DEFB121: variants seen among roughly 807,000 people sequenced by gnomAD.
DEFB121 encodes the protein beta-defensin 121.
DEFB121 carries 5 observed loss-of-function variants against 2.5 expected under a neutral mutation model. That is an observed-to-expected ratio of 1.96 (90% confidence interval 1.03 to 4.13). The LOEUF (loss-of-function observed/expected upper bound fraction) is 4.13. Ranked by LOEUF, DEFB121 falls within the 30% of genes most tolerant of loss-of-function variation. DEFB121 has a pLI of 0.00. For missense variants in DEFB121, 87 were observed against 85.0 expected, an observed-to-expected ratio of 1.02 and a Z score of -0.09; for synonymous variants, 39 against 32.6, an observed-to-expected ratio of 1.20 and a Z score of -0.67.
upstream of DEFB121, among the ~76,000 whole-genome samples, chr20:31,416,037 C>T (rs1402927367): frequency 6.8e-6 from 1 of 147,258 alleles, no homozygotes; most frequent in Non-Finnish European, 1.5e-5. Flanking sequence ...CAGAGATCTG[C>T]GCCCTTCTTC....
At chr20:31,413,729 A>G (rs1248784655), upstream of DEFB121, among the ~76,000 whole-genome samples, 1 of 151,602 alleles carries the variant, frequency 6.6e-6, no homozygotes, top group Non-Finnish European at 1.5e-5. Flanking sequence ...ACATGGCTCC[A>G]TCCAACCACA....
At chr20:31,411,650 A>G (rs1978668892) in intron 1 of DEFB121, among the ~76,000 whole-genome samples, 1 of 152,194 alleles carries the variant, frequency 6.6e-6, no homozygotes, top group Non-Finnish European at 1.5e-5. Context: ...GAATCTGCAA[A>G]TGGTACATTA....
upstream of DEFB121, among the ~76,000 whole-genome samples, chr20:31,410,293 A>T (rs2122356965): frequency 6.6e-6 from 1 of 152,282 alleles, no homozygotes; most frequent in East Asian, 1.9e-4. Flanking sequence ...CTCACTTACA[A>T]GTTGGAGACA....
upstream of DEFB121, among the ~76,000 whole-genome samples, chr20:31,407,601 G>A (rs1334814680): frequency 3.3e-5 from 5 of 152,134 alleles, no homozygotes; most frequent in African/African-American, 1.2e-4. Flanking sequence ...GCTGCCCCAG[G>A]CATTCCAGCC....
At chr20:31,414,636 G>T (rs1167574739), upstream of DEFB121, among the ~76,000 whole-genome samples, 1 of 152,218 alleles carries the variant, frequency 6.6e-6, no homozygotes, top group Admixed American at 6.5e-5. Context: ...GTTATACGAA[G>T]TGTCTAAAAC....
upstream of DEFB121, among the ~76,000 whole-genome samples, chr20:31,409,370 T>C (rs1978592931): frequency 6.6e-6 from 1 of 152,194 alleles, no homozygotes; most frequent in South Asian, 2.1e-4. Context: ...AGTAAACAGA[T>C]AAATTCTGAT....
upstream of DEFB121, among the ~76,000 whole-genome samples, chr20:31,410,143 AT>A (rs1382379800): frequency 1.3e-5 from 2 of 152,262 alleles, no homozygotes; most frequent in Non-Finnish European, 2.9e-5. Flanking sequence ...TACACATTTA[AT>A]GTGGTACACA....
At chr20:31,412,044 C>T (rs1978678917) in intron 1 of DEFB121, among the ~76,000 whole-genome samples, 1 of 152,222 alleles carries the variant, frequency 6.6e-6, no homozygotes, top group Non-Finnish European at 1.5e-5. Flanking sequence ...TCCTTCTACT[C>T]CCTTCTCAGA....
upstream of DEFB121, among the ~76,000 whole-genome samples, chr20:31,416,778 G>T (rs894564660): frequency 6.6e-6 from 1 of 152,134 alleles, no homozygotes; most frequent in East Asian, 1.9e-4. Flanking sequence ...CAGAGAATAA[G>T]TCCAAAAACA....
chr20:31,409,909 T>G (rs1296794026), upstream of DEFB121, among the ~76,000 whole-genome samples: 1 of 152,086 alleles, frequency 6.6e-6, no homozygotes, highest in Non-Finnish European at 1.5e-5. Flanking sequence ...AGTGGTTGCC[T>G]GGGGCTGATG....
chr20:31,408,329 G>A (rs980755990), upstream of DEFB121, among the ~76,000 whole-genome samples: 3 of 152,120 alleles, frequency 2.0e-5, no homozygotes, highest in Admixed American at 6.5e-5. Context: ...GGGCAAAGCT[G>A]TAGTCCTACC....
chr20:31,409,276 G>A (rs1034410087), upstream of DEFB121, among the ~76,000 whole-genome samples: 9 of 152,118 alleles, frequency 5.9e-5, no homozygotes, highest in African/African-American at 2.2e-4. Flanking sequence ...AAAGATAAAT[G>A]AAGACATATG....
At chr20:31,409,262 T>A (rs981629994), upstream of DEFB121, among the ~76,000 whole-genome samples, 4 of 152,244 alleles carry the variant, frequency 2.6e-5, no homozygotes, top group African/African-American at 9.6e-5. Context: ...CTTTGGTATT[T>A]ATCAAAGATA....
chr20:31,413,814 T>C (rs1194448823), upstream of DEFB121, among the ~76,000 whole-genome samples: 1 of 152,104 alleles, frequency 6.6e-6, no homozygotes, highest in Non-Finnish European at 1.5e-5. Context: ...CAAAAGACAA[T>C]TGTGGGCAAG....
chr20:31,409,365 A>G (rs1285795242), upstream of DEFB121, among the ~76,000 whole-genome samples: 1 of 152,232 alleles, frequency 6.6e-6, no homozygotes, highest in Admixed American at 6.5e-5. Flanking sequence ...TAATTAGTAA[A>G]CAGATAAATT....
At chr20:31,411,571 A>G (rs2122359430) in intron 1 of DEFB121, among the ~76,000 whole-genome samples, 1 of 152,156 alleles carries the variant, frequency 6.6e-6, no homozygotes, top group South Asian at 2.1e-4. Context: ...GCAGAGCAAA[A>G]AAAAAAAAGA....
chr20:31,413,371 G>A (rs2122362475), upstream of DEFB121, among the ~76,000 whole-genome samples: 1 of 152,316 alleles, frequency 6.6e-6, no homozygotes, highest in African/African-American at 2.4e-5. Context: ...GCACTCTCCT[G>A]AGCACCAGGA....
At chr20:31,411,487 C>T (rs1978661802) in intron 1 of DEFB121, among the ~76,000 whole-genome samples, 1 of 151,216 alleles carries the variant, frequency 6.6e-6, no homozygotes, top group Non-Finnish European at 1.5e-5. Flanking sequence ...CACATGAAGT[C>T]ATATCATATG....
At chr20:31,415,552 A>G (rs559455595), upstream of DEFB121, among the ~76,000 whole-genome samples, 3 of 152,186 alleles carry the variant, frequency 2.0e-5, no homozygotes, top group South Asian at 6.2e-4. Context: ...GCCGGCGATG[A>G]ACACTCTTAC....
Sources: gnomAD v4.1 joint callset for allele counts (sites outside exome capture counted in the v4.1 genomes callset) on GRCh38, gnomAD v4.1.1 for gene constraint, MANE v1.5 for transcripts, NCBI Gene and HGNC (gene_info 2026-07-23, HGNC 2026-07-21) for gene names.